Variants in LRP1B observed in about 807,000 individuals in gnomAD.
LRP1B encodes the protein low-density lipoprotein receptor-related protein 1B.
A neutral mutation model predicts 556.6 loss-of-function variants in LRP1B; 217 were observed. The ratio of observed to expected loss-of-function variants is 0.39; its 90% CI spans 0.35 to 0.44. The LOEUF (loss-of-function observed/expected upper bound fraction) is 0.44, where lower values mean the gene tolerates loss of function less well. Among genes scored for constraint, LRP1B ranks in the 20% least tolerant of loss-of-function variants. The pLI, the probability that LRP1B is intolerant of heterozygous loss-of-function variation, is 1.00. For missense variants in LRP1B, 5,053 were observed against 5,620.8 expected, an observed-to-expected ratio of 0.90 and a Z score of 3.23; for synonymous variants, 2,047 against 1,865.8, an observed-to-expected ratio of 1.10 and a Z score of -2.50.
intron 3 of LRP1B, among the ~76,000 whole-genome samples, chr2:141,355,264 A>G (rs565847835): frequency 5.9e-5 from 9 of 151,752 alleles, no homozygotes; most frequent in African/African-American, 2.2e-4. Flanking sequence ...CAAATGTAAC[A>G]GTCCTTTTTT....
In LRP1B at chr2:141,058,886, T is replaced by G; in HGVS notation, c.1405A>C (p.Thr469Pro). The part of the protein sequence containing the change: ...IRIYQKRTQP[T>P]VRSHACEVDP... ...ATAAAGAAGCTTTCCCACTTACCTGTTGGTTGAGTTCTTTTTTGATAAATT... is the reference window on the plus strand; with the variant it reads ...ATAAAGAAGCTTTCCCACTTACCTGGTGGTTGAGTTCTTTTTTGATAAATT... The change falls in exon 9 of 91, where the codon ACA becomes CCA. Residue 469 changes from threonine to proline, a missense_variant. By Grantham distance (38) the Thr-to-Pro change is conservative. Around this residue, in one of 5 missense-constraint regions of LRP1B, gnomAD observed 3,619 missense variants for 3,931.9 expected, o/e 0.92. Transcript: ENST00000389484. 1.9e-6 allele frequency: 3 copies of G among 1,583,620 alleles called. No homozygotes were observed. The highest frequency in any genetic ancestry group is 1.7e-6 in the Non-Finnish European group (2 of 1,167,152).
chr2:141,233,900 C>T (rs1683562245), intron 5 of LRP1B, among the ~76,000 whole-genome samples: 1 of 151,652 alleles, frequency 6.6e-6, no homozygotes, highest in African/African-American at 2.4e-5. Flanking sequence ...TCTAGTTGTT[C>T]TATATTCTAA....
chr2:141,690,438 T>A (rs1270626559), intron 2 of LRP1B, among the ~76,000 whole-genome samples: 2 of 130,582 alleles, frequency 1.5e-5, no homozygotes, highest in Non-Finnish European at 3.3e-5. Flanking sequence ...TATATATATA[T>A]ATAATTACAA....
In LRP1B at chr2:140,514,684, C is replaced by T. The variant is rs61732738; in HGVS notation, c.8238G>A (p.Gly2746=). ...HWICDGEDDC[G]DGLDESDSIC... ...TGCTGTCACTTTCATCTAACCCATC[C>T]CCACAGTCATCTTCTCCATCACAAA... Residue 2746 remains glycine, a synonymous_variant, in exon 51 of 91, where the codon GGG becomes GGA. Coordinates refer to ENST00000389484, the MANE Select transcript of LRP1B (RefSeq NM_018557.3). 10,301 of 1,612,036 alleles carry T rather than the reference C, an allele frequency of 6.4e-3. 490 individuals carry two copies. In the African/African-American group the frequency reaches 0.11, roughly 18 times the overall value.
At chr2:141,611,297 G>A (rs563613932) in intron 2 of LRP1B, among the ~76,000 whole-genome samples, 65 of 152,306 alleles carry the variant, frequency 4.3e-4, no homozygotes, top group African/African-American at 1.0e-3. Flanking sequence ...GAAAAGTTAT[G>A]ACACATTACA....
At chr2:141,336,914 A>C (rs1355054660) in intron 3 of LRP1B, among the ~76,000 whole-genome samples, 3 of 152,170 alleles carry the variant, frequency 2.0e-5, no homozygotes, top group Non-Finnish European at 4.4e-5. Flanking sequence ...ATTCTATTAC[A>C]TGGATGTGCC....
chr2:141,614,928 G>A (rs1688240588), intron 2 of LRP1B, among the ~76,000 whole-genome samples: 1 of 152,200 alleles, frequency 6.6e-6, no homozygotes, highest in African/African-American at 2.4e-5. Context: ...CTGCATCCTG[G>A]TATAATAACG....
At chr2:141,231,550 T>G (rs547441236) in intron 5 of LRP1B, among the ~76,000 whole-genome samples, 128 of 152,248 alleles carry the variant, frequency 8.4e-4, no homozygotes, top group African/African-American at 3.0e-3. Flanking sequence ...TCACTACCAC[T>G]TGGGAAAAGC....
At chr2:140,545,158 T>G (rs1030830695) in intron 43 of LRP1B, among the ~76,000 whole-genome samples, 3 of 151,428 alleles carry the variant, frequency 2.0e-5, no homozygotes, top group Non-Finnish European at 4.4e-5. Flanking sequence ...TTTTGTAAAT[T>G]TAAGTTTCTT....
intron 2 of LRP1B, among the ~76,000 whole-genome samples, chr2:141,509,540 A>G (rs1574027835): frequency 6.6e-6 from 1 of 152,130 alleles, no homozygotes; most frequent in African/African-American, 2.4e-5. Flanking sequence ...ATATCTAAGT[A>G]GCCCTAAATG....
chr2:140,291,298 T>TTATATATATATATATATA lies in LRP1B; in HGVS notation c.12967+6492_12967+6509dup, dbSNP rs66596182. Among the ~76,000 whole-genome samples the TTATATATATATATATATA allele has an allele frequency of 8.8e-4, 63 of 71,986 alleles. 3 individuals carry two copies. The East Asian group carries it at 0.017, about 20-fold the overall frequency. The allele number at this position is 71,986 out of a possible 152,430, so 47.2% of individuals were successfully genotyped here. On this transcript the variant is annotated intron_variant, in intron 84 of 90. Transcript: ENST00000389484. ...AGATACCACTTCAAGAAATTTTATT[T>TTATATATATATATATATA]TATATATATATATATATATATTTTT...
intron 1 of LRP1B, among the ~76,000 whole-genome samples, chr2:141,932,228 A>G (rs1700529098): frequency 6.6e-6 from 1 of 152,202 alleles, no homozygotes; most frequent in Middle Eastern, 3.4e-3. Flanking sequence ...GTATCAGATC[A>G]TCAACTCCCT....
At chr2:142,052,487 C>T (rs890830650) in intron 1 of LRP1B, among the ~76,000 whole-genome samples, 12 of 152,112 alleles carry the variant, frequency 7.9e-5, no homozygotes, top group African/African-American at 2.9e-4. Context: ...CCAGATTATC[C>T]TCAGAGTTTC....
At chr2:141,011,521 C>T (rs1218732838) in intron 14 of LRP1B, among the ~76,000 whole-genome samples, 1 of 151,930 alleles carries the variant, frequency 6.6e-6, no homozygotes, top group Admixed American at 6.6e-5. Context: ...ATTGCTTGAT[C>T]AAACATATAG....
chr2:141,237,005 T>A (rs1175000369), intron 5 of LRP1B, among the ~76,000 whole-genome samples: 1 of 152,182 alleles, frequency 6.6e-6, no homozygotes, highest in Non-Finnish European at 1.5e-5. Flanking sequence ...GACACAGGTA[T>A]CAGATATCTG....
chr2:141,240,862 T>A (rs1167065511), intron 5 of LRP1B, among the ~76,000 whole-genome samples: 1 of 152,122 alleles, frequency 6.6e-6, no homozygotes, highest in East Asian at 1.9e-4. Context: ...CATGCTTTTT[T>A]TCCATGTCTC....
intron 1 of LRP1B, among the ~76,000 whole-genome samples, chr2:141,899,639 C>A (rs934444108): frequency 5.3e-5 from 8 of 152,062 alleles, no homozygotes; most frequent in African/African-American, 1.9e-4. Flanking sequence ...ACTTTGTAGA[C>A]CTAAGCTTCA....
intron 32 of LRP1B, among the ~76,000 whole-genome samples, chr2:140,786,819 C>G (rs1393481365): frequency 6.6e-6 from 1 of 152,152 alleles, no homozygotes; most frequent in Non-Finnish European, 1.5e-5. Context: ...TGGAGAATGG[C>G]AGGTAATTTA....
At chr2:141,724,176 T>A (rs950811814) in intron 2 of LRP1B, among the ~76,000 whole-genome samples, 3 of 151,972 alleles carry the variant, frequency 2.0e-5, no homozygotes, top group African/African-American at 7.2e-5. Flanking sequence ...ATGAAATTAG[T>A]GTATATTTTC....
Sources: allele counts gnomAD v4.1 joint callset (sites outside exome capture counted in the v4.1 genomes callset), GRCh38; gene constraint gnomAD v4.1.1; regional missense constraint gnomAD v4.1.1; transcripts MANE v1.5; gene names NCBI Gene and HGNC (gene_info 2026-07-23, HGNC 2026-07-21).